NBAS: variants seen among roughly 807,000 people sequenced by gnomAD.
NBAS encodes NAG/BC035112 fusion.
In NBAS, 219 loss-of-function variants were observed where a neutral mutation model predicts 302.5. That is an observed-to-expected ratio of 0.72 (90% CI 0.65 to 0.81). The LOEUF (loss-of-function observed/expected upper bound fraction) is 0.81. Ranked by LOEUF, NBAS falls within the 30% of genes least tolerant of loss-of-function variation. The pLI is 0.00. For synonymous variants in NBAS, 1,118 were observed against 1,021.6 expected, an observed-to-expected ratio of 1.09 and a Z score of -1.80; for missense variants, 2,932 against 2,841.6, an observed-to-expected ratio of 1.03 and a Z score of -0.72.
the NBAS span, among the ~76,000 whole-genome samples, chr2:15,159,478 T>C: frequency 6.6e-6 from 1 of 152,052 alleles, no homozygotes; most frequent in African/African-American, 2.4e-5. Context: ...TGGACGAAAC[T>C]TGAGAACACT....
In NBAS at chr2:15,559,062, C is replaced by CAAAAAAAAAA. The variant is rs70961421; in HGVS notation, c.118-438_118-429dup. ...TGGGTGACAGAGTGAGACCCTGCCT[C>CAAAAAAAAAA]AAAAAAAAAAAAAAAAAAAAAAAAA... On this transcript the variant is annotated intron_variant, in intron 1 of 51. Coordinates refer to ENST00000281513, the MANE Select transcript of NBAS (RefSeq NM_015909.4). Among the ~76,000 whole-genome samples, 329 of 50,414 alleles carry CAAAAAAAAAA rather than the reference C, an allele frequency of 6.5e-3. 30 individuals carry two copies. The highest frequency in any genetic ancestry group is 8.2e-3 in the African/African-American group (108 of 13,220). The allele number at this position is 50,414 out of a possible 152,430, so 33.1% of individuals were successfully genotyped here.
At chr2:15,194,862 C>T (rs964662958) in intron 48 of NBAS, among the ~76,000 whole-genome samples, 3 of 151,592 alleles carry the variant, frequency 2.0e-5, no homozygotes, top group Admixed American at 6.6e-5. Flanking sequence ...CTAGCCACTA[C>T]AATAATGCAA....
At chr2:15,384,235 G>A (rs1270197387) in intron 28 of NBAS, among the ~76,000 whole-genome samples, 1 of 152,160 alleles carries the variant, frequency 6.6e-6, no homozygotes, top group Non-Finnish European at 1.5e-5. Context: ...CCCATAGCAG[G>A]GGAAAGGGTT....
chr2:14,807,909 T>C, the NBAS span, among the ~76,000 whole-genome samples: 1 of 152,302 alleles, frequency 6.6e-6, no homozygotes, highest in South Asian at 2.1e-4. Context: ...GCTATCCCTC[T>C]CTGTCTCTCT....
the NBAS span, among the ~76,000 whole-genome samples, chr2:14,909,365 C>CAAAAAAAAAAAAA: frequency 4.0e-5 from 2 of 50,128 alleles, no homozygotes; most frequent in African/African-American, 3.1e-4. Flanking sequence ...GGGAGAGTTT[C>CAAAAAAAAAAAAA]TAAAAAAAAA....
intron 21 of NBAS, among the ~76,000 whole-genome samples, chr2:15,450,464 T>C (rs1415274076): frequency 6.6e-6 from 1 of 152,152 alleles, no homozygotes; most frequent in Non-Finnish European, 1.5e-5. Context: ...CAACAGAAAG[T>C]TGCATCTCTC....
At chr2:15,234,856 C>A in intron 45 of NBAS, 109 bp from the exon 46 acceptor site, 1 of 1,094,340 alleles carries the variant, frequency 9.1e-7, no homozygotes, top group South Asian at 1.3e-5. Context: ...TGAAAAGCAG[C>A]AACACCATAC....
chr2:14,883,379 T>A, the NBAS span, among the ~76,000 whole-genome samples: 2 of 152,210 alleles, frequency 1.3e-5, no homozygotes, highest in East Asian at 3.8e-4. Context: ...TATCTCAAAT[T>A]TTTAAATGCT....
chr2:15,299,009 C>T (rs1263827873), intron 40 of NBAS, among the ~76,000 whole-genome samples: 1 of 152,120 alleles, frequency 6.6e-6, no homozygotes, highest in Non-Finnish European at 1.5e-5. Context: ...CAGAATCACT[C>T]GGAAGTCTTG....
At chr2:14,847,589 C>G in the NBAS span, among the ~76,000 whole-genome samples, 1 of 149,970 alleles carries the variant, frequency 6.7e-6, no homozygotes, top group Non-Finnish European at 1.5e-5. Context: ...GAAGATATAA[C>G]AATTTTAAAT....
At chr2:14,836,420 C>G in the NBAS span, among the ~76,000 whole-genome samples, 1 of 151,696 alleles carries the variant, frequency 6.6e-6, no homozygotes, top group African/African-American at 2.4e-5. Flanking sequence ...TATTTTGACT[C>G]TCATGTAAAG....
At chr2:15,292,000 C>T (rs1261934614) in intron 41 of NBAS, among the ~76,000 whole-genome samples, 1 of 152,162 alleles carries the variant, frequency 6.6e-6, no homozygotes, top group Non-Finnish European at 1.5e-5. Context: ...GACAGGGTCT[C>T]GCTCTGTTGC....
the NBAS span, among the ~76,000 whole-genome samples, chr2:14,940,619 TG>T: frequency 1.3e-5 from 2 of 152,230 alleles, no homozygotes; most frequent in East Asian, 3.9e-4. Context: ...AGGCTTGGTG[TG>T]GCTCTCACTT....
chr2:15,387,579 A>G (rs1367170867), intron 28 of NBAS, among the ~76,000 whole-genome samples: 1 of 152,174 alleles, frequency 6.6e-6, no homozygotes, highest in East Asian at 1.9e-4. Flanking sequence ...GTAGCTAAAA[A>G]TTATCAGTGT....
chr2:14,977,780 T>C, the NBAS span, among the ~76,000 whole-genome samples: 1 of 152,156 alleles, frequency 6.6e-6, no homozygotes, highest in Non-Finnish European at 1.5e-5. Context: ...TAGTCAGAGA[T>C]TCCTCTGTGC....
At chr2:15,031,450 G>A in the NBAS span, among the ~76,000 whole-genome samples, 10 of 152,142 alleles carry the variant, frequency 6.6e-5, no homozygotes, top group South Asian at 4.1e-4. Flanking sequence ...TTGAGGCCTC[G>A]AGACAATGAA....
chr2:15,303,217 C>G (rs372478249), intron 40 of NBAS, among the ~76,000 whole-genome samples: 2 of 152,058 alleles, frequency 1.3e-5, no homozygotes, highest in Non-Finnish European at 2.9e-5. Flanking sequence ...AATAGGAAAA[C>G]AGTGATAGAA....
chr2:15,299,612 C>T (rs189844321), intron 40 of NBAS, among the ~76,000 whole-genome samples: 4 of 152,154 alleles, frequency 2.6e-5, no homozygotes, highest in Non-Finnish European at 4.4e-5. Flanking sequence ...TGTCATCCCC[C>T]GCTGAGTTTG....
the NBAS span, among the ~76,000 whole-genome samples, chr2:14,946,409 T>C: frequency 6.6e-6 from 1 of 152,046 alleles, no homozygotes; most frequent in African/African-American, 2.4e-5. Context: ...AGGAGTGGGA[T>C]GGCTACAAAT....
Sources: gnomAD v4.1 joint callset for allele counts (sites outside exome capture counted in the v4.1 genomes callset) on GRCh38, gnomAD v4.1.1 for gene constraint, MANE v1.5 for transcripts, NCBI Gene and HGNC (gene_info 2026-07-23, HGNC 2026-07-21) for gene names.